The following CIB2 variants were observed in gnomAD, a reference collection of about 807,000 sequenced individuals.
The protein encoded by CIB2 is calcium and integrin-binding family member 2.
CIB2 carries 19 observed loss-of-function variants against 23.1 expected under a neutral mutation model. The ratio of observed to expected loss-of-function variants is 0.82; its 90% CI spans 0.57 to 1.21. CIB2 has a LOEUF of 1.21. CIB2 is among the 50% of genes most tolerant of loss of function. The pLI, the probability that CIB2 is intolerant of heterozygous loss-of-function variation, is 0.00. For synonymous variants in CIB2, 94 were observed against 91.7 expected (o/e 1.03, Z -0.14); for missense variants, 220 against 241.5 (o/e 0.91, Z 0.59).
In CIB2 at chr15:78,131,324, G is replaced by T; in HGVS notation, c.-109C>A. 1.1e-6 allele frequency: 1 copy of T among 902,096 alleles called. No homozygotes were observed. 55.9% of individuals were successfully genotyped at this position (902,096 alleles called of 1,614,324 possible). On this transcript the variant is annotated 5_prime_UTR_variant, in exon 1 of 6. Coordinates refer to ENST00000258930, the MANE Select transcript of CIB2 (RefSeq NM_006383.4). The surrounding 1 kb of genome is among the most constrained non-coding windows in gnomAD (Gnocchi z 5.8). ...GCGGCCCTCGGCAGCCCCGCGGCTG[G>T]CAGCGGCCCACGGTGGCCGGACCCT... is the stretch of plus-strand genomic sequence containing the variant.
intron 2 of CIB2, among the ~76,000 whole-genome samples, chr15:78,113,490 C>T (rs562398236): frequency 1.3e-5 from 2 of 151,902 alleles, no homozygotes; most frequent in South Asian, 4.2e-4. Context: ...AAATAAGGAA[C>T]AACCACTTGT....
At chr15:78,121,674 G>C (rs1014013567) in intron 2 of CIB2, among the ~76,000 whole-genome samples, 1 of 152,162 alleles carries the variant, frequency 6.6e-6, no homozygotes, top group Non-Finnish European at 1.5e-5. Context: ...TGTGAGGAAG[G>C]ATGTGTTTGC....
rs756326738 is a variant in CIB2 at position 78,111,147 on chromosome 15, A to G, written c.198+18T>C. ...AGGCACAGATCCCCTGCTCGCCAGC[A>G]AGAGGTCCTGCACATACCCGGAGCT... is the stretch of plus-strand genomic sequence containing the variant. On this transcript the variant is annotated intron_variant, in intron 3 of 5. Coordinates refer to ENST00000258930, the MANE Select transcript of CIB2 (RefSeq NM_006383.4). 6.2e-7 allele frequency: 1 copy of G among 1,608,470 alleles called. No homozygotes were observed. Among genetic ancestry groups the G allele is most frequent in the Non-Finnish European group, 8.5e-7 (1 of 1,174,886 alleles).
chr15:78,112,811 A>G (rs1200079877), intron 2 of CIB2, among the ~76,000 whole-genome samples: 1 of 152,174 alleles, frequency 6.6e-6, no homozygotes, highest in Non-Finnish European at 1.5e-5. Context: ...TTATCAAGCC[A>G]TTCAGCACAG....
chr15:78,107,648 T>G (rs560210066), intron 4 of CIB2, among the ~76,000 whole-genome samples: 1 of 152,154 alleles, frequency 6.6e-6, no homozygotes, highest in Admixed American at 6.5e-5. Flanking sequence ...ACCCGGTCCA[T>G]GCGATCTGCA....
intron 1 of CIB2, among the ~76,000 whole-genome samples, chr15:78,130,750 C>G (rs1425468142): frequency 6.6e-6 from 1 of 152,190 alleles, no homozygotes; most frequent in African/African-American, 2.4e-5. Context: ...GACGCCAGCT[C>G]TCATTTCTGC....
At chr15:78,105,993 C>T in intron 4 of CIB2, 59 bp from the exon 5 acceptor site, 1 of 1,399,662 alleles carries the variant, frequency 7.1e-7, no homozygotes, top group East Asian at 2.3e-5. Context: ...GGGACCCCTA[C>T]ACTATAGCTC....
chr15:78,123,818 G>T, intron 1 of CIB2, 79 bp from the exon 2 acceptor site: 1 of 1,500,752 alleles, frequency 6.7e-7, no homozygotes. Flanking sequence ...ATGCCACAGG[G>T]CTCACAGGGG....
At chr15:78,119,343 C>T (rs1194248317) in intron 2 of CIB2, among the ~76,000 whole-genome samples, 1 of 152,106 alleles carries the variant, frequency 6.6e-6, no homozygotes, top group Non-Finnish European at 1.5e-5. Context: ...TATTCATTTG[C>T]TGATGGATTG....
chr15:78,112,344 A>T (rs1300435363), intron 2 of CIB2, among the ~76,000 whole-genome samples: 1 of 152,048 alleles, frequency 6.6e-6, no homozygotes, highest in Non-Finnish European at 1.5e-5. Flanking sequence ...AGGTGGGAGG[A>T]CCACTTGAGG....
At chr15:78,109,656 G>GGCCCAGCTGA in intron 3 of CIB2, 1 of 493,524 alleles carries the variant, frequency 2.0e-6, no homozygotes. Context: ...CATTAAGATG[G>GGCCCAGCTGA]GCACAGCCAG....
chr15:78,115,251 T>C (rs1428424586), intron 2 of CIB2, among the ~76,000 whole-genome samples: 1 of 150,772 alleles, frequency 6.6e-6, no homozygotes, highest in African/African-American at 2.5e-5. Context: ...TTAGAAGTAA[T>C]TATTTATTTA....
chr15:78,107,560 C>A (rs1378518494), intron 4 of CIB2, among the ~76,000 whole-genome samples: 1 of 152,168 alleles, frequency 6.6e-6, no homozygotes, highest in Non-Finnish European at 1.5e-5. Context: ...ACTAGGAGGG[C>A]CCTGGCTGCC....
At position 78,131,156 on chromosome 15, in the gene CIB2, C is replaced by T. The variant is rs758568331; in HGVS notation, c.51+9G>A. ...GGCCTGTGTTGGGGGCCGGGCGCGC[C>T]GAGCTCACCTGGTAGTTGTCTAGCT... On this transcript the variant is annotated intron_variant, in intron 1 of 5. Coordinates refer to ENST00000258930, the MANE Select transcript of CIB2 (RefSeq NM_006383.4). This position sits in a 1 kb window ranked among gnomAD's most constrained non-coding sequence, Gnocchi z 5.8. 1.9e-6 allele frequency: 3 copies of T among 1,581,382 alleles called. No individual in the cohort carries two copies. Among genetic ancestry groups the T allele is most frequent in the South Asian group, 1.1e-5 (1 of 88,250 alleles).
intron 2 of CIB2, among the ~76,000 whole-genome samples, chr15:78,117,285 A>G (rs4363838): frequency 0.95 from 129,170 of 135,512 alleles, 61,414 homozygotes; most frequent in African/African-American, 0.97. Context: ...AGTTTGTTTA[A>G]AAGAATAAAT....
chr15:78,109,130 T>C, intron 4 of CIB2, 105 bp downstream of exon 4: 3 of 1,315,010 alleles, frequency 2.3e-6, no homozygotes, highest in Non-Finnish European at 3.2e-6. Context: ...TCAGCTTCAC[T>C]GTTCTTGGTG....
intron 5 of CIB2, 48 bp downstream of exon 5, chr15:78,105,691 C>CCTGCCCTGCT (rs765686215): frequency 5.6e-6 from 9 of 1,611,992 alleles, no homozygotes; most frequent in Non-Finnish European, 7.6e-6. Context: ...AACATCCCGG[C>CCTGCCCTGCT]CTGCCCTGCT....
At chr15:78,131,480 C>T (rs1392233700), upstream of CIB2, 15 of 164,882 alleles carry the variant, frequency 9.1e-5, no homozygotes, top group Middle Eastern at 2.8e-3. This position sits in a 1 kb window ranked among gnomAD's most constrained non-coding sequence, Gnocchi z 5.8. Flanking sequence ...GCAGCGCGCC[C>T]GGGTCCCGGC....
In CIB2 at chr15:78,109,786, G is replaced by T. The variant is rs969863873; in HGVS notation, c.199-404C>A. Among the ~76,000 whole-genome samples the T allele has an allele frequency of 3.9e-5, 5 of 128,616 alleles. No homozygotes were observed. In the Admixed American group the frequency reaches 4.6e-4, roughly 12 times the overall value. 84.4% of individuals were successfully genotyped at this position (128,616 alleles called of 152,430 possible). A position where few individuals can be genotyped will look rare whatever the true frequency, so the allele number is the denominator to read the frequency against. On this transcript the variant is annotated intron_variant, in intron 3 of 5. Coordinates refer to ENST00000258930, the MANE Select transcript of CIB2 (RefSeq NM_006383.4). ...CGTCCCACTGCACTCCAGCCTGGGC[G>T]ACAGAGCAAGACCATGTCTCCAAAA...
Sources: allele counts gnomAD v4.1 joint callset (sites outside exome capture counted in the v4.1 genomes callset), GRCh38; gene constraint gnomAD v4.1.1; non-coding constraint Gnocchi (gnomAD v3.1); transcripts MANE v1.5; gene names NCBI Gene and HGNC (gene_info 2026-07-23, HGNC 2026-07-21).